RDX: variants seen among roughly 807,000 people sequenced by gnomAD.
RDX encodes the protein deafness, autosomal recessive 24.
RDX carries 32 observed loss-of-function variants against 83.7 expected under a neutral mutation model. That is an observed-to-expected ratio of 0.38 (90% CI 0.29 to 0.51). The LOEUF is 0.51. Among genes scored for constraint, RDX ranks in the 20% least tolerant of loss-of-function variants. RDX has a pLI of 0.87. For missense variants in RDX, 600 were observed against 689.9 expected (o/e 0.87, Z 1.46); for synonymous variants, 229 against 222.7 (o/e 1.03, Z -0.25).
downstream of RDX, among the ~76,000 whole-genome samples, chr11:110,226,221 G>A (rs1208951912): frequency 2.0e-5 from 3 of 152,140 alleles, no homozygotes; most frequent in Admixed American, 6.5e-5. Context: ...AATGATAGCG[G>A]TAATTTAAGC....
chr11:110,221,065 G>C (rs906290433), intron 14 of RDX, among the ~76,000 whole-genome samples: 1 of 152,032 alleles, frequency 6.6e-6, no homozygotes, highest in East Asian at 1.9e-4. Flanking sequence ...GCAGCGACTG[G>C]CTAAAACAGC....
At chr11:110,265,840 T>A (rs1037655954) in intron 3 of RDX, among the ~76,000 whole-genome samples, 1 of 152,164 alleles carries the variant, frequency 6.6e-6, no homozygotes, top group Non-Finnish European at 1.5e-5. Context: ...AATCACTTGT[T>A]CCCTGATATT....
chr11:110,236,108 C>G lies in RDX; in HGVS notation c.1335G>C (p.Trp445Cys), dbSNP rs754058941. 6.2e-7 allele frequency: 1 copy of G among 1,608,926 alleles called. No homozygotes were observed. Among genetic ancestry groups the G allele is most frequent in the South Asian group, 1.1e-5 (1 of 90,936 alleles). Residue 445 changes from tryptophan (W) to cysteine (C), a missense_variant, in exon 12 of 14, where the codon TGG becomes TGC. By Grantham distance (215) the Trp-to-Cys change is radical. Coordinates refer to ENST00000645495, the MANE Select transcript of RDX (RefSeq NM_002906.4). ...KKKKEEEATE[W>C]QHKAFAAQED... is the part of the protein sequence containing the mutation. Reference sequence around the variant, plus strand: ...ATGAATAAATGATTACTTTGTGTTGCCACTCAGTAGCTTCCTCTTCCTTTT... The same window carrying G: ...ATGAATAAATGATTACTTTGTGTTGGCACTCAGTAGCTTCCTCTTCCTTTT...
chr11:110,233,321 T>C lies in RDX; in HGVS notation c.1503A>G (p.Ser501=), dbSNP rs1159325894. 6.2e-7 allele frequency: 1 copy of C among 1,614,194 alleles called. No homozygotes were observed. Among genetic ancestry groups the C allele is most frequent in the Non-Finnish European group, 8.5e-7 (1 of 1,180,030 alleles). ...ENNAEASAEL[S]NEGVMNHRSE... is the part of the protein sequence containing the mutation. ...TTCTATGGTTCATTACCCCTTCATTTGATAATTCAGCACTAGCTTCAGCAT... is the reference window on the plus strand; with the variant it reads ...TTCTATGGTTCATTACCCCTTCATTCGATAATTCAGCACTAGCTTCAGCAT... Residue 501 remains serine, a synonymous_variant, in exon 13 of 14, where the codon TCA becomes TCG. Coordinates refer to ENST00000645495, the MANE Select transcript of RDX (RefSeq NM_002906.4).
At chr11:110,284,783 A>T (rs938098861) in intron 1 of RDX, among the ~76,000 whole-genome samples, 1 of 151,914 alleles carries the variant, frequency 6.6e-6, no homozygotes, top group African/African-American at 2.4e-5. Flanking sequence ...TCGGCCTCCC[A>T]AAGTTCTGGG....
intron 15 of RDX, among the ~76,000 whole-genome samples, chr11:110,180,608 C>G (rs960959042): frequency 6.6e-6 from 1 of 152,062 alleles, no homozygotes; most frequent in East Asian, 1.9e-4. Context: ...CCTTCATCAG[C>G]CTTCTTGCAG....
chr11:110,194,975 T>TTTTTGTTTTGTTTTGTTTTG (rs145277513), intron 15 of RDX, among the ~76,000 whole-genome samples: 1 of 150,894 alleles, frequency 6.6e-6, no homozygotes, highest in Non-Finnish European at 1.5e-5. Flanking sequence ...TTTTGGTTGT[T>TTTTTGTTTTGTTTTGTTTTG]TTTTGTTTTG....
chr11:110,271,581 A>G (rs1168578230), intron 3 of RDX, among the ~76,000 whole-genome samples: 1 of 152,224 alleles, frequency 6.6e-6, no homozygotes, highest in Non-Finnish European at 1.5e-5. Flanking sequence ...AAATTTTAAA[A>G]TACTGATAAT....
At chr11:110,296,350 C>A (rs1010115717) in intron 1 of RDX, 117 bp downstream of exon 1, 2 of 151,808 alleles carry the variant, frequency 1.3e-5, no homozygotes, top group African/African-American at 4.8e-5. Context: ...GCGCGCCAAG[C>A]CCTGGCGGCG....
At chr11:110,274,097 TAC>T (rs550900507) in intron 2 of RDX, among the ~76,000 whole-genome samples, 43 of 152,310 alleles carry the variant, frequency 2.8e-4, no homozygotes, top group Admixed American at 5.2e-4. Flanking sequence ...AATCAGATCT[TAC>T]AGATTCATCC....
chr11:110,293,767 G>GT (rs1486054565), intron 1 of RDX, among the ~76,000 whole-genome samples: 2 of 152,056 alleles, frequency 1.3e-5, no homozygotes, highest in Non-Finnish European at 2.9e-5. Flanking sequence ...ATGCACAGAA[G>GT]TAACACGAAA....
downstream of RDX, among the ~76,000 whole-genome samples, chr11:110,225,182 AT>A (rs1359589829): frequency 6.6e-6 from 1 of 152,176 alleles, no homozygotes; most frequent in Non-Finnish European, 1.5e-5. Context: ...ATTAAAAACT[AT>A]TTTTCCTCTT....
At chr11:110,292,337 G>C (rs1012716115) in intron 1 of RDX, among the ~76,000 whole-genome samples, 8 of 151,986 alleles carry the variant, frequency 5.3e-5, no homozygotes, top group Admixed American at 2.0e-4. Flanking sequence ...GCACACGCCT[G>C]TGTTGGCAGC....
intron 15 of RDX, among the ~76,000 whole-genome samples, chr11:110,179,371 T>C (rs1191070938): frequency 2.0e-5 from 3 of 152,222 alleles, no homozygotes; most frequent in Non-Finnish European, 2.9e-5. Context: ...TATTCATTCC[T>C]GTCACTGCCC....
intron 14 of RDX, among the ~76,000 whole-genome samples, chr11:110,203,979 G>C (rs1385155975): frequency 6.6e-6 from 1 of 152,044 alleles, no homozygotes; most frequent in Non-Finnish European, 1.5e-5. Context: ...GAAATGGAGG[G>C]TGCAGTGAGC....
At chr11:110,195,951 G>T (rs1272273316) in intron 15 of RDX, 1 of 152,256 alleles carries the variant, frequency 6.6e-6, no homozygotes, top group Admixed American at 6.5e-5. Flanking sequence ...CTTTAGGAAA[G>T]GCAATTGAGA....
intron 14 of RDX, among the ~76,000 whole-genome samples, chr11:110,201,177 CAAAAAA>C (rs34428422): frequency 1.2e-5 from 1 of 82,028 alleles, no homozygotes; most frequent in Non-Finnish European, 2.3e-5. Flanking sequence ...ACTCCCGTCT[CAAAAAA>C]AAAAAAAAAA....
In RDX at chr11:110,265,271, T is replaced by C. The variant is rs192379041; in HGVS notation, c.97-397A>G. On this transcript the variant is annotated intron_variant, in intron 3 of 13. Transcript: ENST00000645495. ...ACGCCTAGCTAATTTTTTGTATTTT[T>C]AGTAGAGATGGGGTTTCACCATGTT... Among the ~76,000 whole-genome samples, 9 of 151,990 alleles carry C rather than the reference T, an allele frequency of 5.9e-5. No homozygotes were observed. The East Asian group carries it at 1.7e-3, about 29-fold the overall frequency.
chr11:110,222,898 A>T (rs1031846877), intron 14 of RDX, among the ~76,000 whole-genome samples: 1 of 152,224 alleles, frequency 6.6e-6, no homozygotes, highest in African/African-American at 2.4e-5. Flanking sequence ...TTTCTTGAAA[A>T]ATGACAAGCA....
Sources: gnomAD v4.1 joint callset for allele counts (sites outside exome capture counted in the v4.1 genomes callset) on GRCh38, gnomAD v4.1.1 for gene constraint, MANE v1.5 for transcripts, NCBI Gene and HGNC (gene_info 2026-07-23, HGNC 2026-07-21) for gene names.